MESD: variants seen among roughly 807,000 people sequenced by gnomAD.
The protein encoded by MESD is mesoderm development LRP chaperone.
Under a neutral mutation model 12.9 loss-of-function variants are expected in MESD, and 7 were observed. The observed-to-expected ratio is 0.54, with a 90% CI of 0.31 to 1.02. The LOEUF (loss-of-function observed/expected upper bound fraction) is 1.02. Among genes scored for constraint, MESD ranks in the 50% least tolerant of loss-of-function variants. The pLI is 0.05. For synonymous variants in MESD, 126 were observed against 115.6 expected (o/e 1.09, Z -0.58); for missense variants, 342 against 296.7 (o/e 1.15, Z -1.12).
intron 3 of MESD, among the ~76,000 whole-genome samples, chr15:80,957,671 A>G (rs1183632230): frequency 1.3e-5 from 2 of 152,170 alleles, no homozygotes; most frequent in African/African-American, 4.8e-5. Context: ...TAAGACTGGC[A>G]GTCTACAAGC....
rs2141820515 is a variant in MESD, at chr15:80,989,814, C to G, written c.-23G>C. On this transcript the variant is annotated 5_prime_UTR_variant, in exon 1 of 3. Transcript: ENST00000261758. ...CATTTTCGCTGCGCCGCGCAGCGCCCTAGACGCGCTTACCCGACCTGCGCG... is the reference window on the plus strand; with the variant it reads ...CATTTTCGCTGCGCCGCGCAGCGCCGTAGACGCGCTTACCCGACCTGCGCG... The G allele has an allele frequency of 6.5e-7, 1 of 1,543,482 alleles. No homozygotes were observed. The highest frequency in any genetic ancestry group is 8.7e-7 in the Non-Finnish European group (1 of 1,150,304).
At chr15:80,961,937 G>A (rs533653736) in intron 3 of MESD, among the ~76,000 whole-genome samples, 4 of 152,240 alleles carry the variant, frequency 2.6e-5, no homozygotes, top group South Asian at 2.1e-4. Flanking sequence ...ATCAATTAAC[G>A]GGCGAAATAA....
intron 3 of MESD, chr15:80,952,379 C>A: frequency 3.2e-6 from 1 of 311,462 alleles, no homozygotes. Flanking sequence ...AGGGCAGCCA[C>A]TAGCTTCATG....
downstream of MESD, among the ~76,000 whole-genome samples, chr15:80,975,122 A>C (rs150723745): frequency 1.4e-3 from 210 of 151,864 alleles, 1 homozygote; most frequent in African/African-American, 4.6e-3. Context: ...GGTGACTCAC[A>C]ACTTAATACC....
chr15:80,950,396 G>A (rs916009319), intron 4 of MESD: 4 of 152,258 alleles, frequency 2.6e-5, no homozygotes, highest in African/African-American at 7.2e-5. Context: ...AAGTCCCCTC[G>A]AAGGAAAGGA....
downstream of MESD, chr15:80,975,610 T>C (rs1482787635): frequency 6.6e-6 from 1 of 151,238 alleles, no homozygotes; most frequent in East Asian, 1.9e-4. Flanking sequence ...GCATACTAAG[T>C]TGGTTTAATT....
intron 3 of MESD, among the ~76,000 whole-genome samples, chr15:80,967,543 A>T (rs1902198509): frequency 6.6e-6 from 1 of 152,154 alleles, no homozygotes; most frequent in African/African-American, 2.4e-5. Flanking sequence ...TATGGCACTC[A>T]ATGTCGTCCA....
At chr15:80,985,639 CTTT>C (rs11425497) in intron 1 of MESD, among the ~76,000 whole-genome samples, 6 of 89,048 alleles carry the variant, frequency 6.7e-5, no homozygotes, top group African/African-American at 1.9e-4. Flanking sequence ...TCCCAAGCAG[CTTT>C]TTTTTTTTTT....
intron 2 of MESD, 22 bp downstream of exon 2, chr15:80,981,928 C>T (rs1364872717): frequency 2.0e-6 from 3 of 1,504,340 alleles, no homozygotes; most frequent in African/African-American, 1.4e-5. Flanking sequence ...ATGAGTCTCT[C>T]AGCTGGTTGT....
intron 3 of MESD, among the ~76,000 whole-genome samples, chr15:80,960,750 G>T (rs1419017926): frequency 6.6e-6 from 1 of 152,134 alleles, no homozygotes; most frequent in Non-Finnish European, 1.5e-5. Context: ...TCCCAGAAAA[G>T]AAATTATTAT....
intron 3 of MESD, among the ~76,000 whole-genome samples, chr15:80,953,574 G>C (rs1397631411): frequency 6.6e-6 from 1 of 152,228 alleles, no homozygotes; most frequent in Non-Finnish European, 1.5e-5. Context: ...TCCCTCACCA[G>C]CCTGGGAGGG....
intron 4 of MESD, chr15:80,950,764 T>C (rs1419523875): frequency 6.5e-6 from 1 of 152,742 alleles, no homozygotes; most frequent in Non-Finnish European, 1.5e-5. Context: ...AAAGAGCTCC[T>C]GTAAGAGGGA....
exon 5 of MESD, chr15:80,948,281 T>G: frequency 4.8e-6 from 1 of 207,602 alleles, no homozygotes; most frequent in South Asian, 9.2e-5. Context: ...TTTCAGGGGT[T>G]TAGAGTTCTA....
intron 3 of MESD, among the ~76,000 whole-genome samples, chr15:80,966,572 A>G (rs1297340040): frequency 6.6e-6 from 1 of 152,136 alleles, no homozygotes; most frequent in Non-Finnish European, 1.5e-5. Flanking sequence ...ACACACACAA[A>G]CCAAGCTTCC....
At chr15:80,957,337 A>G (rs1305289740) in intron 3 of MESD, among the ~76,000 whole-genome samples, 1 of 152,186 alleles carries the variant, frequency 6.6e-6, no homozygotes, top group Non-Finnish European at 1.5e-5. Flanking sequence ...TGACCACACA[A>G]CACCTGGGTA....
chr15:80,971,980 G>T (rs963348482), downstream of MESD, among the ~76,000 whole-genome samples: 8 of 151,008 alleles, frequency 5.3e-5, no homozygotes, highest in Admixed American at 2.6e-4. Flanking sequence ...CGACACCAAA[G>T]GACTAATCTT....
rs143490497 is a variant in MESD, at chr15:80,989,581, C to T, written c.211G>A (p.Glu71Lys). The T allele has an allele frequency of 1.2e-6, 2 of 1,613,014 alleles. No individual in the cohort carries two copies. The highest frequency in any genetic ancestry group is 1.7e-6 in the Non-Finnish European group (2 of 1,179,428). ...ADMARLLEQW[E>K]KDDDIEEGDL... ...GAGGGTGTGCGCGCGCCGCGGACCT[C>T]CCATTGCTCCAGAAGACGCGCCATG... The change falls in exon 1 of 3, where the codon GAG (glutamate) becomes AAG (lysine). Residue 71 changes from glutamate to lysine, a missense_variant and splice_region_variant. Physicochemically the swap from Glu to Lys is moderately conservative, Grantham distance 56. Transcript: ENST00000261758.
chr15:80,949,830 A>C (rs920957832), intron 4 of MESD: 5 of 152,270 alleles, frequency 3.3e-5, no homozygotes, highest in Non-Finnish European at 7.3e-5. Flanking sequence ...ACAGGAATGA[A>C]GGCTGGGGGC....
rs891966966 is a variant in MESD, at chr15:80,976,029, C to T, written c.*3190G>A. On this transcript the variant is annotated 3_prime_UTR_variant, in exon 3 of 3. Transcript: ENST00000261758. The stretch of plus-strand genomic sequence containing the variant: ...GTTTCGTTTTTTTGAGACAGAGTCT[C>T]ATCCCGTCATCCAGGCTGGAGTGCA... 1.3e-4 allele frequency: 20 copies of T among 152,228 alleles called. No individual in the cohort carries two copies. Among genetic ancestry groups the T allele is most frequent in the African/African-American group, 3.9e-4 (16 of 41,448 alleles). 9.4% of individuals were successfully genotyped at this position (152,228 alleles called of 1,614,324 possible). A position where few individuals can be genotyped will look rare whatever the true frequency, so the allele number is the denominator to read the frequency against.
Sources: allele counts gnomAD v4.1 joint callset (sites outside exome capture counted in the v4.1 genomes callset), GRCh38; gene constraint gnomAD v4.1.1; transcripts MANE v1.5; gene names NCBI Gene and HGNC (gene_info 2026-07-23, HGNC 2026-07-21).